The following CHRM3 variants were observed in gnomAD, a reference collection of about 807,000 sequenced individuals.
CHRM3 encodes muscarinic acetylcholine receptor M3.
A neutral mutation model predicts 41.8 loss-of-function variants in CHRM3; 11 were observed. The observed-to-expected ratio is 0.26, with a 90% CI of 0.17 to 0.44. CHRM3 has a LOEUF of 0.44. Among genes scored for constraint, CHRM3 ranks in the 20% least tolerant of loss-of-function variants. The pLI is 1.00. For synonymous variants in CHRM3, 297 were observed against 301.4 expected (o/e 0.99, Z 0.15); for missense variants, 571 against 745.4 (o/e 0.77, Z 2.72).
chr1:239,405,392 G>T (rs1429809386), intron 1 of CHRM3, among the ~76,000 whole-genome samples: 1 of 152,098 alleles, frequency 6.6e-6, no homozygotes, highest in Non-Finnish European at 1.5e-5. Context: ...AGCAGGACAA[G>T]ACGCTGCCTT....
chr1:239,607,999 A>C (rs563845647), intron 3 of CHRM3, among the ~76,000 whole-genome samples: 19 of 152,308 alleles, frequency 1.2e-4, no homozygotes, highest in African/African-American at 4.3e-4. Context: ...TATGTATTTT[A>C]AAAGGAAGGC....
At chr1:239,899,360 C>A in intron 6 of CHRM3, among the ~76,000 whole-genome samples, 1 of 142,038 alleles carries the variant, frequency 7.0e-6, no homozygotes, top group African/African-American at 2.6e-5. Context: ...TGTATATATA[C>A]ATAAATACAT....
At chr1:239,436,382 TCTC>T in intron 1 of CHRM3, among the ~76,000 whole-genome samples, 1 of 152,224 alleles carries the variant, frequency 6.6e-6, no homozygotes, top group African/African-American at 2.4e-5. Context: ...CTGATGCTGT[TCTC>T]CTCACAGTGG....
intron 5 of CHRM3, among the ~76,000 whole-genome samples, chr1:239,689,778 A>G (rs1659529077): frequency 6.6e-6 from 1 of 152,224 alleles, no homozygotes; most frequent in South Asian, 2.1e-4. Flanking sequence ...GAAGGTGTAA[A>G]GTACTAGGAT....
intron 3 of CHRM3, among the ~76,000 whole-genome samples, chr1:239,601,608 C>T (rs550868065): frequency 1.7e-4 from 26 of 152,074 alleles, no homozygotes; most frequent in Non-Finnish European, 3.1e-4. Flanking sequence ...CACTCTGAAC[C>T]TTTAGTCTTC....
At chr1:239,677,914 A>T (rs570897777) in intron 4 of CHRM3, among the ~76,000 whole-genome samples, 3 of 152,230 alleles carry the variant, frequency 2.0e-5, no homozygotes, top group Non-Finnish European at 4.4e-5. Flanking sequence ...GACAGAAACC[A>T]TAAGCTGAGG....
chr1:239,545,997 A>G (rs1659252974), intron 3 of CHRM3: 1 of 152,172 alleles, frequency 6.6e-6, no homozygotes, highest in South Asian at 2.1e-4. Flanking sequence ...ATTTAGAAGT[A>G]TAGCATCTTC....
At chr1:239,579,832 A>C (rs1036420484) in intron 3 of CHRM3, among the ~76,000 whole-genome samples, 9 of 152,120 alleles carry the variant, frequency 5.9e-5, no homozygotes, top group Non-Finnish European at 1.3e-4. Flanking sequence ...CTTCACATAC[A>C]CACTATAAGG....
At chr1:239,904,525 G>A (rs150159955) in intron 6 of CHRM3, among the ~76,000 whole-genome samples, 29 of 152,276 alleles carry the variant, frequency 1.9e-4, no homozygotes, top group Non-Finnish European at 3.7e-4. Flanking sequence ...TCTGGATGGG[G>A]GGAGAGCAGC....
intron 6 of CHRM3, among the ~76,000 whole-genome samples, chr1:239,905,642 G>T (rs1679909940): frequency 6.6e-6 from 1 of 152,104 alleles, no homozygotes; most frequent in Non-Finnish European, 1.5e-5. Context: ...GGAGGCAGAG[G>T]CTGCAGTGAG....
intron 2 of CHRM3, among the ~76,000 whole-genome samples, chr1:239,518,661 A>C (rs1669430610): frequency 6.6e-6 from 1 of 152,206 alleles, no homozygotes; most frequent in Admixed American, 6.5e-5. Flanking sequence ...TATAATTAAG[A>C]CAATTTCAGG....
At chr1:239,409,174 A>G (rs1392229702) in intron 1 of CHRM3, among the ~76,000 whole-genome samples, 1 of 152,050 alleles carries the variant, frequency 6.6e-6, no homozygotes, top group Non-Finnish European at 1.5e-5. Flanking sequence ...CAAGGCCAGG[A>G]TGTTGCCCTG....
At chr1:239,462,133 A>G (rs1021874533) in intron 1 of CHRM3, among the ~76,000 whole-genome samples, 18 of 152,178 alleles carry the variant, frequency 1.2e-4, no homozygotes, top group African/African-American at 4.1e-4. Context: ...TTTCTCTGAA[A>G]CATAAAATGT....
intron 3 of CHRM3, among the ~76,000 whole-genome samples, chr1:239,602,114 A>G (rs10925923): frequency 0.21 from 4,322 of 20,908 alleles, 221 homozygotes; most frequent in African/African-American, 0.35. Context: ...GTGTGTGTAT[A>G]TATATATATA....
intron 1 of CHRM3, among the ~76,000 whole-genome samples, chr1:239,458,240 G>A (rs1665098412): frequency 6.6e-6 from 1 of 152,134 alleles, no homozygotes; most frequent in Admixed American, 6.6e-5. Flanking sequence ...TAAAGTGACA[G>A]AGGTAACCAT....
intron 5 of CHRM3, chr1:239,826,911 G>A (rs1470883388): frequency 1.3e-5 from 2 of 152,122 alleles, no homozygotes; most frequent in Non-Finnish European, 2.9e-5. Flanking sequence ...AGTCTTATTG[G>A]CAATATATGT....
intron 2 of CHRM3, among the ~76,000 whole-genome samples, chr1:239,515,024 C>A (rs147744370): frequency 6.6e-6 from 1 of 152,160 alleles, no homozygotes; most frequent in East Asian, 1.9e-4. Context: ...TTTTTGTCAG[C>A]ACATATGTCG....
intron 6 of CHRM3, among the ~76,000 whole-genome samples, chr1:239,892,849 T>C (rs751955236): frequency 6.9e-4 from 105 of 152,334 alleles, no homozygotes; most frequent in Non-Finnish European, 1.0e-3. Context: ...ACAGTGTCTC[T>C]TTATGTTTTG....
intron 6 of CHRM3, among the ~76,000 whole-genome samples, chr1:239,889,269 C>A (rs548019272): frequency 6.6e-6 from 1 of 152,266 alleles, no homozygotes; most frequent in African/African-American, 2.4e-5. Context: ...GCACGAAAAA[C>A]TGGCTAGGAC....
Sources: gnomAD v4.1 joint callset for allele counts (sites outside exome capture counted in the v4.1 genomes callset) on GRCh38, gnomAD v4.1.1 for gene constraint, MANE v1.5 for transcripts, NCBI Gene and HGNC (gene_info 2026-07-23, HGNC 2026-07-21) for gene names.